Variants in MRGPRX1 observed in about 807,000 individuals in gnomAD.
The protein encoded by MRGPRX1 is MAS related GPR family member X1, also known as mas-related G protein-coupled receptor member X1.
For missense variants in MRGPRX1, 411 were observed against 393.8 expected (o/e 1.04, Z -0.37); for synonymous variants, 208 against 170.4 (o/e 1.22, Z -1.72).
In MRGPRX1 at chr11:18,939,331, G is replaced by T. The variant is rs956982843; in HGVS notation, c.-77C>A. On this transcript the variant is annotated 5_prime_UTR_variant, in exon 1 of 2. Transcript: ENST00000526914. Reference sequence around the variant, plus strand: ...GGTGAAGACGTCCCTTGTGCTAAAGGTGGAGGGCCTTTCTGGGATTCAGTG... The same window carrying T: ...GGTGAAGACGTCCCTTGTGCTAAAGTTGGAGGGCCTTTCTGGGATTCAGTG... The T allele has an allele frequency of 6.6e-6, 1 of 151,762 alleles. No individual in the cohort carries two copies. The highest frequency in any genetic ancestry group is 2.1e-4 in the South Asian group (1 of 4,786). The allele number at this position is 151,762 out of a possible 1,614,324, so 9.4% of individuals were successfully genotyped here.
At chr11:18,938,444 T>G (rs1171451218) in intron 1 of MRGPRX1, among the ~76,000 whole-genome samples, 2 of 151,406 alleles carry the variant, frequency 1.3e-5, no homozygotes, top group Non-Finnish European at 2.9e-5. Context: ...ACAACTAGAT[T>G]GCATGAGAAC....
rs367896042 is a variant in MRGPRX1, at chr11:18,934,797, T to C, written c.-13A>G. On this transcript the variant is annotated 5_prime_UTR_variant, in exon 2 of 2. Coordinates refer to ENST00000526914, the MANE Select transcript of MRGPRX1 (RefSeq NM_001393578.1). ...TGGTTGGATCCATGCTCAGAAACCCTAGTCTGGTGACCCTGGAAACAGAAA... is the reference window on the plus strand; with the variant it reads ...TGGTTGGATCCATGCTCAGAAACCCCAGTCTGGTGACCCTGGAAACAGAAA... The C allele has an allele frequency of 2.6e-5, 40 of 1,545,352 alleles. 1 individual carries two copies. In the African/African-American group the frequency reaches 4.0e-4, roughly 15 times the overall value.
chr11:18,934,653 TCCTGTC>T lies in MRGPRX1; in HGVS notation c.126_131del (p.Thr43_Gly44del). 2 of 1,610,802 alleles carry T rather than the reference TCCTGTC, an allele frequency of 1.2e-6. No individual in the cohort carries two copies. On this transcript the variant is annotated inframe_deletion, in exon 2 of 2. Coordinates refer to ENST00000526914, the MANE Select transcript of MRGPRX1 (RefSeq NM_001393578.1). ...CCAGGAGCCAGAGCACAACTGCGTT[TCCTGTC>T]AGCCCGACAAGGGAAACGATGCACG... is the stretch of plus-strand genomic sequence containing the variant.
At chr11:18,936,574 C>T (rs1180198118) in intron 1 of MRGPRX1, among the ~76,000 whole-genome samples, 1 of 151,232 alleles carries the variant, frequency 6.6e-6, no homozygotes, top group Non-Finnish European at 1.5e-5. Context: ...CTGCCACAGC[C>T]TTGCTTGGCC....
rs139817853 is a variant in MRGPRX1 at position 18,934,369 on chromosome 11, G to A, written c.416C>T (p.Ser139Leu). Reference sequence around the variant, plus strand: ...CCAGAGCAGGACACACACCACCGCTGACAGGTGTGTGGGGCGGTGGCAGCG... The same window carrying A: ...CCAGAGCAGGACACACACCACCGCTAACAGGTGTGTGGGGCGGTGGCAGCG... The part of the protein sequence containing the change: ...WYRCHRPTHL[S>L]AVVCVLLWAL... The change falls in exon 2 of 2, where the codon TCA becomes TTA. Residue 139 changes from serine (S) to leucine (L), a missense_variant. Coordinates refer to ENST00000526914, the MANE Select transcript of MRGPRX1 (RefSeq NM_001393578.1). The A allele has an allele frequency of 2.2e-5, 35 of 1,610,738 alleles. 2 individuals are homozygous for A. The highest frequency in any genetic ancestry group is 2.9e-5 in the Non-Finnish European group (34 of 1,178,146).
Position 18,933,805 on chromosome 11 carries a change from G to T in MRGPRX1, c.*11C>A. 6.3e-7 allele frequency: 1 copy of T among 1,597,032 alleles called. No individual in the cohort carries two copies. Among genetic ancestry groups the T allele is most frequent in the Non-Finnish European group, 8.5e-7 (1 of 1,171,018 alleles). On this transcript the variant is annotated 3_prime_UTR_variant, in exon 2 of 2. Coordinates refer to ENST00000526914, the MANE Select transcript of MRGPRX1 (RefSeq NM_001393578.1). ...TCTCAAAGTCCTGTCTGACAGGGCA[G>T]AGGCTCTTCCTCACTGCTCCAATCT...
At chr11:18,938,171 A>G (rs77006738) in intron 1 of MRGPRX1, among the ~76,000 whole-genome samples, 3,108 of 151,444 alleles carry the variant, frequency 0.021, 184 homozygotes, top group African/African-American at 0.071. Flanking sequence ...GCCACTTGGG[A>G]TTTCCACCTC....
At position 18,934,073 on chromosome 11, in the gene MRGPRX1, G is replaced by A; in HGVS notation, c.712C>T (p.Leu238=). The change falls in exon 2 of 2, where the codon CTA becomes TTA. Residue 238 remains leucine, a synonymous_variant. Transcript: ENST00000526914. The part of the protein sequence containing the change: ...CGLPFGIQFF[L]FLWIHVDREV... ...CTGTCCACGTGGATCCATAAAAATAGGAAAAACTGAATGCCAAAGGGCAGG... is the reference window on the plus strand; with the variant it reads ...CTGTCCACGTGGATCCATAAAAATAAGAAAAACTGAATGCCAAAGGGCAGG... The A allele has an allele frequency of 1.2e-6, 2 of 1,610,898 alleles. No individual in the cohort carries two copies. Among genetic ancestry groups the A allele is most frequent in the Non-Finnish European group, 1.7e-6 (2 of 1,178,218 alleles).
intron 1 of MRGPRX1, among the ~76,000 whole-genome samples, chr11:18,936,514 G>A (rs1316270344): frequency 6.6e-6 from 1 of 151,280 alleles, no homozygotes; most frequent in African/African-American, 2.4e-5. Flanking sequence ...GGATTACAGA[G>A]GAGCATCAGG....
At chr11:18,934,883 T>A in intron 1 of MRGPRX1, 74 bp from the exon 2 acceptor site, 1 of 1,424,294 alleles carries the variant, frequency 7.0e-7, no homozygotes. Flanking sequence ...CATGTGGGAT[T>A]TACTTCCTCA....
At chr11:18,934,876 G>C (rs1848828386) in intron 1 of MRGPRX1, 67 bp from the exon 2 acceptor site, 1 of 1,451,358 alleles carries the variant, frequency 6.9e-7, no homozygotes, top group Non-Finnish European at 9.3e-7. Flanking sequence ...ACCCTGCCAT[G>C]TGGGATTTAC....
rs751204890 is a variant in MRGPRX1 at position 18,933,862 on chromosome 11, A to G, written c.923T>C (p.Leu308Pro). The G allele has an allele frequency of 6.2e-7, 1 of 1,610,282 alleles. No homozygotes were observed. Among genetic ancestry groups the G allele is most frequent in the Non-Finnish European group, 8.5e-7 (1 of 1,178,016 alleles). ...ASEVDEGGGQLPEEILELSGS... is the reference protein window; with the variant it reads ...ASEVDEGGGQPPEEILELSGS... The stretch of plus-strand genomic sequence containing the variant: ...CGACAGCTCCAGGATTTCCTCAGGA[A>G]GCTGCCCTCCACCTTCATCCACCTC... Residue 308 changes from leucine to proline, a missense_variant, in exon 2 of 2, where the codon CTT becomes CCT. Transcript: ENST00000526914.
rs774776277 is a variant in MRGPRX1, at chr11:18,934,304, A to G, written c.481T>C (p.Cys161Arg). 1.5e-5 allele frequency: 24 copies of G among 1,610,654 alleles called. 2 individuals are homozygous for G. The highest frequency in any genetic ancestry group is 1.8e-5 in the Non-Finnish European group (21 of 1,178,180). ...TCAGCACCACTGAACAGGAAGCCAC[A>G]TAACATCCACTCCAGGATGCTCCGC... Reference protein sequence around the residue: ...LLRSILEWMLCGFLFSGADSA... With the variant: ...LLRSILEWMLRGFLFSGADSA... The change falls in exon 2 of 2, where the codon TGT becomes CGT. Residue 161 changes from cysteine (C) to arginine (R), a missense_variant. Physicochemically the swap from Cys to Arg is radical, Grantham distance 180. Transcript: ENST00000526914.
At chr11:18,938,014 A>T (rs1848854352) in intron 1 of MRGPRX1, among the ~76,000 whole-genome samples, 1 of 151,388 alleles carries the variant, frequency 6.6e-6, no homozygotes, top group Non-Finnish European at 1.5e-5. Context: ...TGCTATGATG[A>T]TTTGCTTTCC....
chr11:18,937,749 C>A (rs535703567), intron 1 of MRGPRX1, among the ~76,000 whole-genome samples: 1 of 151,566 alleles, frequency 6.6e-6, no homozygotes, highest in South Asian at 2.1e-4. Flanking sequence ...GATATTTCTA[C>A]TTTGTGTCTT....
chr11:18,934,418 A>ACAGG lies in MRGPRX1; in HGVS notation c.363_366dup (p.Ser123ProfsTer48). 2 of 1,610,756 alleles carry ACAGG rather than the reference A, an allele frequency of 1.2e-6. No homozygotes were observed. Among genetic ancestry groups the ACAGG allele is most frequent in the Non-Finnish European group, 1.7e-6 (2 of 1,178,138 alleles). ...CGGTACCAGATGGGCCACAGGACGG[A>ACAGG]CAGGCAGCGCTCGGTGCTCACGGCA... On this transcript the variant is annotated frameshift_variant, in exon 2 of 2. Coordinates refer to ENST00000526914, the MANE Select transcript of MRGPRX1 (RefSeq NM_001393578.1). LOFTEE classifies it low-confidence loss of function (END_TRUNC).
chr11:18,935,842 C>T (rs185643142), intron 1 of MRGPRX1, among the ~76,000 whole-genome samples: 34 of 151,508 alleles, frequency 2.2e-4, no homozygotes, highest in African/African-American at 8.2e-4. Flanking sequence ...TTCTTTCTTT[C>T]AGGAGATCTT....
chr11:18,934,162 T>G lies in MRGPRX1; in HGVS notation c.623A>C (p.Lys208Thr), dbSNP rs761186409. The G allele has an allele frequency of 6.2e-7, 1 of 1,610,796 alleles. No individual in the cohort carries two copies. Among genetic ancestry groups the G allele is most frequent in the African/African-American group, 1.3e-5 (1 of 74,822 alleles). The stretch of plus-strand genomic sequence containing the variant: ...CACGTACAGCCTGGTCAGCGGTATC[T>G]TCCGGGATCCACAGAGAATCCTGAT... ...LLIRILCGSR[K>T]IPLTRLYVTI... Residue 208 changes from lysine (K) to threonine (T), a missense_variant, in exon 2 of 2, where the codon AAG (lysine) becomes ACG (threonine). By Grantham distance (78) the Lys-to-Thr change is moderately conservative (BLOSUM62 -1). Transcript: ENST00000526914.
In MRGPRX1 at chr11:18,934,794, C is replaced by A; in HGVS notation, c.-10G>T. On this transcript the variant is annotated 5_prime_UTR_variant, in exon 2 of 2. Transcript: ENST00000526914. ...AGATGGTTGGATCCATGCTCAGAAA[C>A]CCTAGTCTGGTGACCCTGGAAACAG... 4 of 1,549,030 alleles carry A rather than the reference C, an allele frequency of 2.6e-6. No individual in the cohort carries two copies. The highest frequency in any genetic ancestry group is 1.3e-5 in the South Asian group (1 of 79,718).
Sources: allele counts gnomAD v4.1 joint callset (sites outside exome capture counted in the v4.1 genomes callset), GRCh38; gene constraint gnomAD v4.1.1; transcripts MANE v1.5; gene names NCBI Gene and HGNC (gene_info 2026-07-23, HGNC 2026-07-21).